The following PRELID2 variants were observed in gnomAD, a reference collection of about 807,000 sequenced individuals.
PRELID2 encodes PRELI domain-containing protein 2.
PRELID2 carries 25 observed loss-of-function variants against 28.4 expected under a neutral mutation model. The ratio of observed to expected loss-of-function variants is 0.88; its 90% CI spans 0.64 to 1.23. The LOEUF is 1.23. Among genes scored for constraint, PRELID2 ranks in the 50% most tolerant of loss-of-function variants. The probability of loss-of-function intolerance (pLI) is 0.00; values close to 1 mark genes in which losing one functional copy is unlikely to be tolerated. For missense variants in PRELID2, 201 were observed against 214.4 expected, an observed-to-expected ratio of 0.94 and a Z score of 0.39; for synonymous variants, 76 against 71.6, an observed-to-expected ratio of 1.06 and a Z score of -0.31.
chr5:145,496,827 C>T (rs1268305379), intron 1 of PRELID2, among the ~76,000 whole-genome samples: 2 of 152,024 alleles, frequency 1.3e-5, no homozygotes, highest in Non-Finnish European at 2.9e-5. Flanking sequence ...TTGGTGTCTG[C>T]TTTTCATGCT....
chr5:145,597,130 C>G (rs1056097875), intron 1 of PRELID2, among the ~76,000 whole-genome samples: 1 of 152,104 alleles, frequency 6.6e-6, no homozygotes, highest in African/African-American at 2.4e-5. Context: ...AATTAAATAA[C>G]TGAATTTTTA....
chr5:145,722,501 A>G (rs987512970), intron 1 of PRELID2, among the ~76,000 whole-genome samples: 14 of 107,908 alleles, frequency 1.3e-4, no homozygotes, highest in African/African-American at 1.1e-3. Flanking sequence ...GTATCAAATT[A>G]ATAATTTTTT....
chr5:145,557,559 A>G (rs1239316370), intron 1 of PRELID2, among the ~76,000 whole-genome samples: 2 of 152,214 alleles, frequency 1.3e-5, no homozygotes, highest in Non-Finnish European at 2.9e-5. Flanking sequence ...GTTGTCAAGG[A>G]GCCAGACAGA....
At chr5:145,728,983 G>A in intron 1 of PRELID2, 1 of 749,892 alleles carries the variant, frequency 1.3e-6, no homozygotes, top group Admixed American at 1.8e-5. Context: ...ACAATCTGAG[G>A]ATCAGAGGGG....
At chr5:145,522,013 T>C (rs913500804) in intron 1 of PRELID2, among the ~76,000 whole-genome samples, 1 of 152,220 alleles carries the variant, frequency 6.6e-6, no homozygotes, top group African/African-American at 2.4e-5. Flanking sequence ...TTTTCATTTC[T>C]TTAATTCATT....
At chr5:145,374,113 G>T in the PRELID2 span, among the ~76,000 whole-genome samples, 1 of 151,470 alleles carries the variant, frequency 6.6e-6, no homozygotes, top group African/African-American at 2.4e-5. Context: ...TTTTGCAAGG[G>T]CTGGTACTGG....
intron 1 of PRELID2, among the ~76,000 whole-genome samples, chr5:145,528,361 G>C (rs1381546691): frequency 6.6e-6 from 1 of 152,078 alleles, no homozygotes; most frequent in African/African-American, 2.4e-5. Flanking sequence ...GTAACTATTT[G>C]TTGAATGACT....
At position 145,568,322 on chromosome 5, in the gene PRELID2, A is replaced by C. The variant is rs1752986473; in HGVS notation, n.71-95007T>G. Among the ~76,000 whole-genome samples the C allele has an allele frequency of 3.3e-5, 5 of 152,186 alleles. No homozygotes were observed. In the South Asian group the frequency reaches 6.2e-4, roughly 19 times the overall value. On this transcript the variant is annotated intron_variant and non_coding_transcript_variant, in intron 1 of 2. Coordinates refer to the PRELID2 transcript ENST00000510259. ...CCGGCAGATGTTAGCGTCTATTGTA[A>C]GCCAGCCACCATATATTAACTCTTA...
chr5:145,374,948 GT>G, the PRELID2 span, among the ~76,000 whole-genome samples: 2 of 152,068 alleles, frequency 1.3e-5, no homozygotes, highest in Admixed American at 6.6e-5. Flanking sequence ...GCTCAGCATT[GT>G]TTTTTATTAC....
chr5:145,269,042 T>C, the PRELID2 span, among the ~76,000 whole-genome samples: 2 of 152,058 alleles, frequency 1.3e-5, no homozygotes, highest in Non-Finnish European at 2.9e-5. Context: ...CCTAAATAAA[T>C]AGAAAGATAT....
chr5:145,753,140 A>G (rs1283941720), downstream of PRELID2, among the ~76,000 whole-genome samples: 1 of 152,236 alleles, frequency 6.6e-6, no homozygotes, highest in African/African-American at 2.4e-5. Context: ...GCAGCCTAAC[A>G]GATGGCAGGC....
the PRELID2 span, among the ~76,000 whole-genome samples, chr5:145,405,711 T>G: frequency 2.7e-5 from 4 of 147,352 alleles, no homozygotes; most frequent in East Asian, 2.0e-4. Context: ...TGTTTTTTTT[T>G]TTTTTTTTTT....
At chr5:145,307,763 T>A in the PRELID2 span, among the ~76,000 whole-genome samples, 1 of 152,028 alleles carries the variant, frequency 6.6e-6, no homozygotes, top group African/African-American at 2.4e-5. Flanking sequence ...GCTAAGCACC[T>A]GAGCCATAAA....
chr5:145,309,076 A>G, the PRELID2 span, among the ~76,000 whole-genome samples: 1 of 141,114 alleles, frequency 7.1e-6, no homozygotes, highest in East Asian at 1.9e-4. Context: ...ACATTAAAAT[A>G]TCTTTTCCTC....
chr5:145,395,818 T>C, the PRELID2 span, among the ~76,000 whole-genome samples: 1 of 152,110 alleles, frequency 6.6e-6, no homozygotes, highest in African/African-American at 2.4e-5. Context: ...TGGACCCCAG[T>C]TCCAGCTCAG....
intron 1 of PRELID2, among the ~76,000 whole-genome samples, chr5:145,696,716 G>C (rs141445521): frequency 6.6e-6 from 1 of 151,582 alleles, no homozygotes; most frequent in Non-Finnish European, 1.5e-5. Flanking sequence ...TGCCCACCTC[G>C]GCCTCCCAAA....
intron 1 of PRELID2, among the ~76,000 whole-genome samples, chr5:145,522,834 A>G (rs141884373): frequency 4.6e-5 from 7 of 151,914 alleles, no homozygotes; most frequent in Admixed American, 3.9e-4. Context: ...GGAGAAGAAG[A>G]AGGAGGAGGA....
intron 2 of PRELID2, among the ~76,000 whole-genome samples, chr5:145,472,720 G>A (rs1351810382): frequency 6.6e-6 from 1 of 152,006 alleles, no homozygotes; most frequent in Non-Finnish European, 1.5e-5. Context: ...GTGGTGAAAT[G>A]GTACAGAACA....
the PRELID2 span, among the ~76,000 whole-genome samples, chr5:145,420,282 G>C: frequency 2.0e-5 from 3 of 152,110 alleles, no homozygotes; most frequent in African/African-American, 7.2e-5. Context: ...GTCATTGGTA[G>C]CTTGATGGGG....
Sources: gnomAD v4.1 joint callset for allele counts (sites outside exome capture counted in the v4.1 genomes callset) on GRCh38, gnomAD v4.1.1 for gene constraint, MANE v1.5 for transcripts, NCBI Gene and HGNC (gene_info 2026-07-23, HGNC 2026-07-21) for gene names.